Variants in LAMA1 observed in about 807,000 individuals in gnomAD.
LAMA1 encodes the protein laminin subunit alpha 1, also known as laminin subunit alpha-1.
Under a neutral mutation model 348.7 loss-of-function variants are expected in LAMA1, and 219 were observed. The ratio of observed to expected loss-of-function variants is 0.63; its 90% CI spans 0.56 to 0.70. LAMA1 has a LOEUF of 0.70. Among genes scored for constraint, LAMA1 ranks in the 30% least tolerant of loss-of-function variants. LAMA1 has a pLI of 0.00. For synonymous variants in LAMA1, 1,487 were observed against 1,491.0 expected (o/e 1.00, Z 0.06); for missense variants, 3,744 against 3,888.0 (o/e 0.96, Z 0.99).
intron 29 of LAMA1, 150 bp downstream of exon 29, chr18:7,006,989 C>T (rs1424368388): frequency 5.8e-5 from 70 of 1,202,732 alleles, no homozygotes; most frequent in Non-Finnish European, 7.2e-5. Context: ...TAAGCTATGC[C>T]GTCCTCAAGG....
At chr18:6,988,352 A>G (rs764060051) in intron 36 of LAMA1, among the ~76,000 whole-genome samples, 2 of 152,220 alleles carry the variant, frequency 1.3e-5, no homozygotes, top group Non-Finnish European at 2.9e-5. Context: ...TGCCAGGCAG[A>G]TTCCTTGAAC....
intron 17 of LAMA1, among the ~76,000 whole-genome samples, chr18:7,024,765 GC>G (rs35708386): frequency 6.6e-6 from 1 of 152,150 alleles, no homozygotes; most frequent in Non-Finnish European, 1.5e-5. Flanking sequence ...ACCCAGCTCA[GC>G]CCCAGTGCCC....
At chr18:6,943,778 G>A (rs1568000871) in intron 61 of LAMA1, among the ~76,000 whole-genome samples, 2 of 147,934 alleles carry the variant, frequency 1.4e-5, no homozygotes, top group Middle Eastern at 6.7e-3. Flanking sequence ...AGGAGGCAGA[G>A]GTTGCGGTGA....
chr18:7,058,727 G>T (rs183549127), intron 3 of LAMA1, among the ~76,000 whole-genome samples: 215 of 152,308 alleles, frequency 1.4e-3, no homozygotes, highest in African/African-American at 4.9e-3. Flanking sequence ...TCAGCCTCCA[G>T]AACTGTGAGG....
At position 6,987,873 on chromosome 18, in the gene LAMA1, CAAAT is replaced by C. The variant is rs1229226415; in HGVS notation, c.5169-1530_5169-1527del. On this transcript the variant is annotated intron_variant, in intron 36 of 62. Coordinates refer to ENST00000389658, the MANE Select transcript of LAMA1 (RefSeq NM_005559.4). Reference sequence around the variant, plus strand: ...ACTAAAACACATACGTAAGAAAACACAAATAAACCCAATATATTTCTAATGTGTG... The same window carrying C: ...ACTAAAACACATACGTAAGAAAACACAAACCCAATATATTTCTAATGTGTG... Among the ~76,000 whole-genome samples the C allele has an allele frequency of 8.5e-5, 13 of 152,062 alleles. 2 individuals are homozygous for C. The South Asian group carries it at 2.7e-3, about 32-fold the overall frequency.
At chr18:7,115,592 T>C (rs1163938878) in intron 1 of LAMA1, among the ~76,000 whole-genome samples, 2 of 151,782 alleles carry the variant, frequency 1.3e-5, no homozygotes, top group Non-Finnish European at 2.9e-5. Flanking sequence ...GCAGGTGATT[T>C]GCAGGTCAGG....
rs945551510 is a variant in LAMA1 at position 7,010,283 on chromosome 18, G to T, written c.3790C>A (p.Arg1264=). 6.2e-7 allele frequency: 1 copy of T among 1,613,846 alleles called. No homozygotes were observed. The highest frequency in any genetic ancestry group is 1.3e-5 in the African/African-American group (1 of 74,840). ...FEPQVLIKGG[R]IRKQVIYMDA... is the part of the protein sequence containing the mutation. ...ATGTAAATGACTTGCTTTCTGATCC[G>T]ACCACCTTTGATGAGAACTTGAGGC... The change falls in exon 26 of 63, where the codon CGG becomes AGG. Residue 1264 remains arginine, a synonymous_variant. Coordinates refer to ENST00000389658, the MANE Select transcript of LAMA1 (RefSeq NM_005559.4).
chr18:6,948,391 G>A lies in LAMA1; in HGVS notation c.8710+12C>T. ...TTCGGGGACTGCCTTCGAGAGTGTT[G>A]CTAACACATACCAAGAGCTGCATAT... On this transcript the variant is annotated intron_variant, in intron 60 of 62. Coordinates refer to ENST00000389658, the MANE Select transcript of LAMA1 (RefSeq NM_005559.4). The A allele has an allele frequency of 6.2e-7, 1 of 1,614,118 alleles. No homozygotes were observed. Among genetic ancestry groups the A allele is most frequent in the Non-Finnish European group, 8.5e-7 (1 of 1,180,040 alleles).
At chr18:7,003,012 C>T (rs964758405) in intron 29 of LAMA1, among the ~76,000 whole-genome samples, 1 of 151,866 alleles carries the variant, frequency 6.6e-6, no homozygotes, top group Non-Finnish European at 1.5e-5. Flanking sequence ...TCTCGAGTAG[C>T]TGGGACCAGA....
intron 1 of LAMA1, among the ~76,000 whole-genome samples, chr18:7,103,347 G>A (rs2058299008): frequency 6.6e-6 from 1 of 151,850 alleles, no homozygotes; most frequent in African/African-American, 2.4e-5. Context: ...GGAGCTTGCA[G>A]TGAGCTGAGA....
rs374363161 is a variant in LAMA1, at chr18:6,953,027, G to A, written c.8208-2056C>T. ...GTCTGCCTGTGTCCAGTGGATCCACGCCATGGGAGCCATGTCTGCCTGTGT... is the reference window on the plus strand; with the variant it reads ...GTCTGCCTGTGTCCAGTGGATCCACACCATGGGAGCCATGTCTGCCTGTGT... On this transcript the variant is annotated intron_variant, in intron 57 of 62. Coordinates refer to ENST00000389658, the MANE Select transcript of LAMA1 (RefSeq NM_005559.4). 4.7e-3 allele frequency among the ~76,000 whole-genome samples: 611 copies of A among 129,966 alleles called. 2 individuals are homozygous for A. Among genetic ancestry groups the A allele is most frequent in the African/African-American group, 0.019 (572 of 29,744 alleles). 85.3% of individuals were successfully genotyped at this position (129,966 alleles called of 152,430 possible).
chr18:6,951,023 T>C (rs761930127), intron 57 of LAMA1, 52 bp from the exon 58 acceptor site: 87 of 1,528,008 alleles, frequency 5.7e-5, no homozygotes, highest in Non-Finnish European at 7.8e-5. Context: ...ACTTTTCATT[T>C]TTAAAACCTC....
chr18:7,091,095 C>G (rs560649490), intron 1 of LAMA1, among the ~76,000 whole-genome samples: 1 of 152,194 alleles, frequency 6.6e-6, no homozygotes, highest in Non-Finnish European at 1.5e-5. Flanking sequence ...TTCAATGACT[C>G]TGTGATTTTT....
chr18:7,095,965 G>A (rs1197276494), intron 1 of LAMA1, among the ~76,000 whole-genome samples: 2 of 152,248 alleles, frequency 1.3e-5, no homozygotes, highest in African/African-American at 2.4e-5. Context: ...TTACTCAGAA[G>A]GCTGAGGCAG....
intron 9 of LAMA1, among the ~76,000 whole-genome samples, chr18:7,041,089 C>T (rs558631408): frequency 1.3e-4 from 19 of 151,938 alleles, no homozygotes; most frequent in African/African-American, 4.1e-4. Flanking sequence ...CACCAATACA[C>T]CAAAACAATG....
chr18:6,985,586 C>T lies in LAMA1; in HGVS notation c.5437G>A (p.Gly1813Arg). 4 of 1,614,146 alleles carry T rather than the reference C, an allele frequency of 2.5e-6. No individual in the cohort carries two copies. Among genetic ancestry groups the T allele is most frequent in the Non-Finnish European group, 3.4e-6 (4 of 1,180,022 alleles). The change falls in exon 38 of 63, where the codon GGA (glycine) becomes AGA (arginine). Residue 1813 changes from glycine to arginine, a missense_variant. By Grantham distance (125) the Gly-to-Arg change is moderately radical. Transcript: ENST00000389658. ...GCAGCAGCATCTATCAATCCTCTTC[C>T]TTGGACAATGAGCTCTGAGGTCAGA... ...QNLTSELIVQ[G>R]RGLIDAAAAQ... is the part of the protein sequence containing the mutation.
chr18:7,003,241 C>T (rs1017370055), intron 29 of LAMA1, among the ~76,000 whole-genome samples: 2 of 144,004 alleles, frequency 1.4e-5, no homozygotes, highest in South Asian at 4.4e-4. Context: ...AAAAAAGGTA[C>T]ACTTATTTTG....
At position 6,943,188 on chromosome 18, in the gene LAMA1, C is replaced by T. The variant is rs2057507194; in HGVS notation, c.9059G>A (p.Gly3020Asp). The T allele has an allele frequency of 2.5e-6, 4 of 1,613,862 alleles. No individual in the cohort carries two copies. The change falls in exon 62 of 63, where the codon GGC (glycine) becomes GAC (aspartate). Residue 3020 changes from glycine to aspartate, a missense_variant. Coordinates refer to ENST00000389658, the MANE Select transcript of LAMA1 (RefSeq NM_005559.4). The part of the protein sequence containing the change: ...VDTNNPIYVG[G>D]YPAGVKQKCL... The stretch of plus-strand genomic sequence containing the variant: ...CAGGTACCCGTACATACCAGGATAG[C>T]CACCAACATAAATGGGATTGTTGGT...
chr18:6,943,624 G>A (rs1239769776), intron 61 of LAMA1, among the ~76,000 whole-genome samples: 4 of 151,962 alleles, frequency 2.6e-5, no homozygotes, highest in African/African-American at 4.8e-5. Flanking sequence ...CGAGGCAGGC[G>A]GATCACCTGA....
Sources: gnomAD v4.1 joint callset for allele counts (sites outside exome capture counted in the v4.1 genomes callset) on GRCh38, gnomAD v4.1.1 for gene constraint, MANE v1.5 for transcripts, NCBI Gene and HGNC (gene_info 2026-07-23, HGNC 2026-07-21) for gene names.